The following AMDHD1 variants were observed in gnomAD, a reference collection of about 807,000 sequenced individuals.
AMDHD1 encodes probable imidazolonepropionase.
In AMDHD1, 45 loss-of-function variants were observed where a neutral mutation model predicts 44.1. The ratio of observed to expected loss-of-function variants is 1.02; its 90% confidence interval spans 0.80 to 1.31. The LOEUF (loss-of-function observed/expected upper bound fraction) is 1.31, where lower values mean the gene tolerates loss of function less well. AMDHD1 is among the 50% of genes most tolerant of loss of function. The pLI, the probability that AMDHD1 is intolerant of heterozygous loss-of-function variation, is 0.00. For synonymous variants in AMDHD1, 206 were observed against 205.0 expected (o/e 1.00, Z -0.04); for missense variants, 586 against 552.1 (o/e 1.06, Z -0.61).
At chr12:95,949,147 AAAAAAAAAAAAAG>A (rs1322095651) in intron 1 of AMDHD1, among the ~76,000 whole-genome samples, 5 of 18,666 alleles carry the variant, frequency 2.7e-4, no homozygotes, top group Non-Finnish European at 4.2e-4. Context: ...AATTAAAAAA[AAAAAAAAAAAAAG>A]AAAAAAAAAA....
Position 95,943,471 on chromosome 12 carries a change from T to A in AMDHD1, c.73T>A (p.Phe25Ile). The change falls in exon 1 of 9, where the codon TTC (phenylalanine) becomes ATC (isoleucine). Residue 25 changes from phenylalanine (F) to isoleucine (I), a missense_variant. Phe to Ile is a conservative substitution (Grantham distance 21). Transcript: ENST00000266736. ...GCTGGTGTGCGCCCGCGGCGAGCGCTTCCTGGCGCGGGATGCGCTGCGCAG... is the reference window on the plus strand; with the variant it reads ...GCTGGTGTGCGCCCGCGGCGAGCGCATCCTGGCGCGGGATGCGCTGCGCAG... ...VVLVCARGER[F>I]LARDALRSLA... 6.6e-7 allele frequency: 1 copy of A among 1,504,744 alleles called. No individual in the cohort carries two copies. Among genetic ancestry groups the A allele is most frequent in the Non-Finnish European group, 8.8e-7 (1 of 1,131,298 alleles). The allele number at this position is 1,504,744 out of a possible 1,614,324, so 93.2% of individuals were successfully genotyped here. A position where few individuals can be genotyped will look rare whatever the true frequency, so the allele number is the denominator to read the frequency against.
intron 2 of AMDHD1, among the ~76,000 whole-genome samples, chr12:95,953,146 C>G (rs2080532713): frequency 1.3e-5 from 2 of 152,208 alleles, no homozygotes; most frequent in South Asian, 4.1e-4. Context: ...TCATTCGACT[C>G]CACTTCTTCC....
At position 95,967,882 on chromosome 12, in the gene AMDHD1, A is replaced by C; in HGVS notation, c.*39A>C. 7.8e-7 allele frequency: 1 copy of C among 1,288,356 alleles called. No homozygotes were observed. Among genetic ancestry groups the C allele is most frequent in the South Asian group, 1.4e-5 (1 of 73,820 alleles). The allele number at this position is 1,288,356 out of a possible 1,614,324, so 79.8% of individuals were successfully genotyped here. ...AGAAGACTTTTTGACTATATGAAAT[A>C]AGTCAATATAGTTATATTAAAAGTT... On this transcript the variant is annotated 3_prime_UTR_variant, in exon 9 of 9. Transcript: ENST00000266736.
In AMDHD1 at chr12:95,968,027, C is replaced by A; in HGVS notation, c.*184C>A. On this transcript the variant is annotated 3_prime_UTR_variant, in exon 9 of 9. Coordinates refer to ENST00000266736, the MANE Select transcript of AMDHD1 (RefSeq NM_152435.3). ...ATTTTCATTTAACACATGCATTTGA[C>A]ATATAAACAGGTAAACCTATTGTGA... 1 of 462,506 alleles carries A rather than the reference C, an allele frequency of 2.2e-6. No individual in the cohort carries two copies. 28.7% of individuals were successfully genotyped at this position (462,506 alleles called of 1,614,324 possible). A position where few individuals can be genotyped will look rare whatever the true frequency, so the allele number is the denominator to read the frequency against.
chr12:95,952,584 C>T (rs1448956700), intron 1 of AMDHD1, 133 bp from the exon 2 acceptor site: 2 of 604,448 alleles, frequency 3.3e-6, no homozygotes, highest in African/African-American at 1.9e-5. Flanking sequence ...TTTCCAGACT[C>T]AGGTTCAAGA....
intron 8 of AMDHD1, 48 bp downstream of exon 8, chr12:95,966,556 T>C (rs1443191099): frequency 1.1e-5 from 18 of 1,606,546 alleles, no homozygotes; most frequent in Non-Finnish European, 1.4e-5. Flanking sequence ...CACTGAAGTA[T>C]GCAGATGAGG....
In AMDHD1 at chr12:95,967,949, A is replaced by G. The variant is rs57512659; in HGVS notation, c.*106A>G. On this transcript the variant is annotated 3_prime_UTR_variant, in exon 9 of 9. Coordinates refer to ENST00000266736, the MANE Select transcript of AMDHD1 (RefSeq NM_152435.3). ...TACAAGAATTATATCACTTAAACCT[A>G]AATGTACTTCAATGTCTTTTTAAGT... 6.1e-3 allele frequency: 4,713 copies of G among 777,698 alleles called. 173 individuals are homozygous for G. In the African/African-American group the frequency reaches 0.078, roughly 13 times the overall value. The allele number at this position is 777,698 out of a possible 1,614,324, so 48.2% of individuals were successfully genotyped here. A position where few individuals can be genotyped will look rare whatever the true frequency, so the allele number is the denominator to read the frequency against.
At chr12:95,950,015 TTA>T (rs947611970) in intron 1 of AMDHD1, among the ~76,000 whole-genome samples, 4 of 152,214 alleles carry the variant, frequency 2.6e-5, no homozygotes, top group African/African-American at 4.8e-5. Context: ...ACGGAGAATG[TTA>T]GAGATTTATT....
chr12:95,946,246 G>A (rs1040469636), intron 1 of AMDHD1, among the ~76,000 whole-genome samples: 5 of 152,078 alleles, frequency 3.3e-5, no homozygotes, highest in Non-Finnish European at 7.4e-5. Context: ...TCATACACAA[G>A]GACCATTTGT....
In AMDHD1 at chr12:95,956,946, G is replaced by T; in HGVS notation, c.571G>T (p.Ala191Ser). The change falls in exon 4 of 9, where the codon GCT (alanine) becomes TCT (serine). Residue 191 changes from alanine (A) to serine (S), a missense_variant. Ala to Ser is a moderately conservative substitution (Grantham distance 99, BLOSUM62 1). Coordinates refer to ENST00000266736, the MANE Select transcript of AMDHD1 (RefSeq NM_152435.3). ...DIGISATYCGAHSVPKGKTAT... is the reference protein window; with the variant it reads ...DIGISATYCGSHSVPKGKTAT... ...CGGCATCTCGGCTACCTACTGCGGG[G>T]CTCATTCAGTGCCTAAGTAATCTCA... 6.2e-7 allele frequency: 1 copy of T among 1,612,290 alleles called. No individual in the cohort carries two copies. Among genetic ancestry groups the T allele is most frequent in the Non-Finnish European group, 8.5e-7 (1 of 1,179,904 alleles).
chr12:95,956,528 AG>A (rs2080550676), intron 3 of AMDHD1, 156 bp from the exon 4 acceptor site: 2 of 998,748 alleles, frequency 2.0e-6, no homozygotes, highest in Non-Finnish European at 2.9e-6. Context: ...AGGGGCTTCC[AG>A]GACTGTGTAT....
chr12:95,965,552 C>G (rs1004538575), intron 6 of AMDHD1, 134 bp from the exon 7 acceptor site: 1 of 535,128 alleles, frequency 1.9e-6, no homozygotes, highest in African/African-American at 1.9e-5. Context: ...TACCACTAAT[C>G]ATTTAATCTT....
chr12:95,965,781 T>C lies in AMDHD1; in HGVS notation c.1032+2T>C. 2 of 1,596,638 alleles carry C rather than the reference T, an allele frequency of 1.3e-6. No individual in the cohort carries two copies. Among genetic ancestry groups the C allele is most frequent in the Admixed American group, 1.7e-5 (1 of 58,102 alleles). On this transcript the variant is annotated splice_donor_variant, in intron 7 of 8. Transcript: ENST00000266736. LOFTEE classifies it high-confidence loss of function. ...CCCAATGCATATTGCTTTTCAATGGTAATTATTTTTTTCATGTACCTTTCT... is the reference window on the plus strand; with the variant it reads ...CCCAATGCATATTGCTTTTCAATGGCAATTATTTTTTTCATGTACCTTTCT...
At chr12:95,950,383 T>G (rs931099013) in intron 1 of AMDHD1, among the ~76,000 whole-genome samples, 1 of 152,236 alleles carries the variant, frequency 6.6e-6, no homozygotes, top group Admixed American at 6.5e-5. Context: ...TACATTTTGT[T>G]AGGTTACCCC....
At chr12:95,964,000 G>A (rs2080596140) in intron 6 of AMDHD1, among the ~76,000 whole-genome samples, 1 of 141,210 alleles carries the variant, frequency 7.1e-6, no homozygotes. Flanking sequence ...CTGCACTTCA[G>A]CCTGGGCAAC....
At chr12:95,950,317 C>A (rs779687186) in intron 1 of AMDHD1, among the ~76,000 whole-genome samples, 1 of 152,160 alleles carries the variant, frequency 6.6e-6, no homozygotes, top group African/African-American at 2.4e-5. Context: ...ATCATTATTT[C>A]TTTTCCTATC....
At chr12:95,944,177 A>G (rs1156384282) in intron 1 of AMDHD1, among the ~76,000 whole-genome samples, 2 of 152,092 alleles carry the variant, frequency 1.3e-5, no homozygotes, top group Non-Finnish European at 2.9e-5. Context: ...TGGGGTAGCA[A>G]GGGAAGTTGG....
At chr12:95,950,511 C>T (rs754037920) in intron 1 of AMDHD1, among the ~76,000 whole-genome samples, 1 of 152,192 alleles carries the variant, frequency 6.6e-6, no homozygotes, top group Non-Finnish European at 1.5e-5. Flanking sequence ...TTGTAAGTGA[C>T]CAAGACCTAA....
chr12:95,956,140 G>T (rs375316098), intron 3 of AMDHD1, among the ~76,000 whole-genome samples: 30 of 152,188 alleles, frequency 2.0e-4, no homozygotes, highest in African/African-American at 7.2e-4. Flanking sequence ...ATAGAGTCTC[G>T]CTCTGTCACC....
Sources: allele counts gnomAD v4.1 joint callset (sites outside exome capture counted in the v4.1 genomes callset), GRCh38; gene constraint gnomAD v4.1.1; transcripts MANE v1.5; gene names NCBI Gene and HGNC (gene_info 2026-07-23, HGNC 2026-07-21).